The following DYTN variants were observed in gnomAD, a reference collection of about 807,000 sequenced individuals.
The protein encoded by DYTN is dystrotelin.
A neutral mutation model predicts 69.6 loss-of-function variants in DYTN; 75 were observed. That is an observed-to-expected ratio of 1.08 (90% CI 0.89 to 1.31). The LOEUF (loss-of-function observed/expected upper bound fraction) is 1.31. DYTN is among the 50% of genes most tolerant of loss of function. DYTN has a pLI of 0.00. For missense variants in DYTN, 726 were observed against 688.4 expected, an observed-to-expected ratio of 1.05 and a Z score of -0.61; for synonymous variants, 252 against 249.1, an observed-to-expected ratio of 1.01 and a Z score of -0.11.
At chr2:206,682,401 T>C (rs544240353) in intron 9 of DYTN, among the ~76,000 whole-genome samples, 1 of 151,646 alleles carries the variant, frequency 6.6e-6, no homozygotes, top group Middle Eastern at 3.4e-3. Context: ...CATTTGACAG[T>C]AGAACACCAT....
At position 206,717,770 on chromosome 2, in the gene DYTN, G is replaced by T. The variant is rs527694658; in HGVS notation, c.19+491C>A. Among the ~76,000 whole-genome samples the T allele has an allele frequency of 2.0e-5, 3 of 152,206 alleles. No individual in the cohort carries two copies. The South Asian group carries it at 6.2e-4, about 32-fold the overall frequency. On this transcript the variant is annotated intron_variant, in intron 1 of 11. Coordinates refer to ENST00000452335, the MANE Select transcript of DYTN (RefSeq NM_001093730.1). ...ATAGAAATCCCACAGATCAGTTCTG[G>T]GCCTAACTTGGCATTCAGCGATGTT...
chr2:206,651,782 C>T lies in DYTN; in HGVS notation c.*36G>A, dbSNP rs1350255869. ...ATACAGTTGTGCAACTGCATTTTGT[C>T]ATCACACCAAGAGGCCTTTGAGCCT... On this transcript the variant is annotated 3_prime_UTR_variant, in exon 12 of 12. Coordinates refer to ENST00000452335, the MANE Select transcript of DYTN (RefSeq NM_001093730.1). The T allele has an allele frequency of 6.3e-7, 1 of 1,577,210 alleles. No homozygotes were observed. Among genetic ancestry groups the T allele is most frequent in the East Asian group, 2.2e-5 (1 of 44,636 alleles).
At position 206,663,251 on chromosome 2, in the gene DYTN, G is replaced by T; in HGVS notation, c.1285C>A (p.Pro429Thr). Residue 429 changes from proline to threonine, a missense_variant, in exon 11 of 12, where the codon CCT (proline) becomes ACT (threonine). Physicochemically the swap from Pro to Thr is conservative, Grantham distance 38. Coordinates refer to ENST00000452335, the MANE Select transcript of DYTN (RefSeq NM_001093730.1). ...TCAACCTCATCAAGCTTAGGAAGAG[G>T]TTCCCCTGTTGAAGCATCTTCAGTG... ...NATEDASTGE[P>T]LPKLDEVDRS... 3 of 1,613,922 alleles carry T rather than the reference G, an allele frequency of 1.9e-6. No homozygotes were observed. Among genetic ancestry groups the T allele is most frequent in the Non-Finnish European group, 2.5e-6 (3 of 1,179,870 alleles).
intron 9 of DYTN, 66 bp from the exon 10 acceptor site, chr2:206,666,095 G>A: frequency 6.4e-7 from 1 of 1,561,054 alleles, no homozygotes; most frequent in Admixed American, 1.8e-5. Flanking sequence ...TAGAGCCCTG[G>A]TAAGATGTAT....
At chr2:206,705,037 G>T in intron 4 of DYTN, 94 bp from the exon 5 acceptor site, 1 of 1,008,520 alleles carries the variant, frequency 9.9e-7, no homozygotes, top group Non-Finnish European at 1.5e-6. Context: ...TTGTGGCTAT[G>T]AAAGGAAAGA....
intron 9 of DYTN, among the ~76,000 whole-genome samples, chr2:206,689,875 T>G (rs1699847080): frequency 6.6e-6 from 1 of 152,240 alleles, no homozygotes; most frequent in African/African-American, 2.4e-5. Flanking sequence ...TATTCATTCA[T>G]TCATTCAGTC....
rs552506191 is a variant in DYTN, at chr2:206,660,191, T to C, written c.1633+2712A>G. 5.9e-5 allele frequency among the ~76,000 whole-genome samples: 9 copies of C among 152,358 alleles called. No individual in the cohort carries two copies. The South Asian group carries it at 1.9e-3, about 32-fold the overall frequency. ...CTACAAGATTTGATAATGCTAATTG[T>C]ATATTTATACATTATTGCATCAACT... On this transcript the variant is annotated intron_variant, in intron 11 of 11. Transcript: ENST00000452335.
intron 2 of DYTN, among the ~76,000 whole-genome samples, chr2:206,707,994 A>G (rs1297833039): frequency 6.6e-6 from 1 of 152,238 alleles, no homozygotes; most frequent in African/African-American, 2.4e-5. Context: ...AGTTAAATAC[A>G]AAACAGTGAT....
intron 11 of DYTN, among the ~76,000 whole-genome samples, chr2:206,657,776 G>A (rs7588098): frequency 0.3 from 45,765 of 151,604 alleles, 7,979 homozygotes; most frequent in African/African-American, 0.48. Context: ...TTCTCTTGCT[G>A]CTTTCAAAAT....
rs760389043 is a variant in DYTN, at chr2:206,718,306, G to A, written c.-27C>T. 2 of 1,600,048 alleles carry A rather than the reference G, an allele frequency of 1.2e-6. No individual in the cohort carries two copies. Among genetic ancestry groups the A allele is most frequent in the Admixed American group, 1.7e-5 (1 of 58,230 alleles). On this transcript the variant is annotated 5_prime_UTR_variant, in exon 1 of 12. Coordinates refer to ENST00000452335, the MANE Select transcript of DYTN (RefSeq NM_001093730.1). ...TCACAAATTTCCTGGAATGACAGAT[G>A]GCAAGTGGGTCCCTGTAACTAGAAA...
chr2:206,663,157 A>C lies in DYTN; in HGVS notation c.1379T>G (p.Leu460Trp), dbSNP rs1448451165. 2 of 1,613,904 alleles carry C rather than the reference A, an allele frequency of 1.2e-6. No individual in the cohort carries two copies. The highest frequency in any genetic ancestry group is 1.7e-6 in the Non-Finnish European group (2 of 1,179,882). Residue 460 changes from leucine to tryptophan, a missense_variant, in exon 11 of 12, where the codon TTG (leucine) becomes TGG (tryptophan). Coordinates refer to ENST00000452335, the MANE Select transcript of DYTN (RefSeq NM_001093730.1). ...LRNPESPETT[L>W]HSTRAQSQTQ... is the part of the protein sequence containing the mutation. ...TTGGCTTTGTGCCCTGGTGCTGTGC[A>C]AAGTGGTCTCTGGTGATTCTGGATT...
chr2:206,660,278 A>C (rs964303630), intron 11 of DYTN, among the ~76,000 whole-genome samples: 1 of 152,216 alleles, frequency 6.6e-6, no homozygotes, highest in African/African-American at 2.4e-5. Flanking sequence ...TGATGCATGT[A>C]TATTTATATC....
At chr2:206,667,095 CAA>C (rs1699581698) in intron 9 of DYTN, among the ~76,000 whole-genome samples, 1 of 152,122 alleles carries the variant, frequency 6.6e-6, no homozygotes, top group East Asian at 1.9e-4. Flanking sequence ...TTCTTTAAAA[CAA>C]AAGTCAAGCT....
intron 7 of DYTN, among the ~76,000 whole-genome samples, chr2:206,695,465 A>G (rs1387679710): frequency 1.3e-5 from 2 of 152,228 alleles, no homozygotes; most frequent in Non-Finnish European, 2.9e-5. Flanking sequence ...GGAATTCCTC[A>G]CCACAGCCAA....
At chr2:206,708,338 C>T (rs777849302) in intron 2 of DYTN, among the ~76,000 whole-genome samples, 9 of 152,134 alleles carry the variant, frequency 5.9e-5, no homozygotes, top group African/African-American at 1.7e-4. Context: ...ATATCAAGAG[C>T]GCCAAGAGCT....
At chr2:206,666,896 C>CACACAA (rs1553572121) in intron 9 of DYTN, among the ~76,000 whole-genome samples, 2 of 143,298 alleles carry the variant, frequency 1.4e-5, no homozygotes, top group Admixed American at 7.0e-5. Context: ...CACACACACA[C>CACACAA]AAATTAGCTG....
chr2:206,655,904 A>G (rs900501470), intron 11 of DYTN, among the ~76,000 whole-genome samples: 8 of 152,198 alleles, frequency 5.3e-5, no homozygotes, highest in Non-Finnish European at 7.3e-5. Flanking sequence ...GTGCATTAAC[A>G]TATGATCTAT....
At chr2:206,714,763 G>A (rs1020814156) in intron 1 of DYTN, among the ~76,000 whole-genome samples, 5 of 152,132 alleles carry the variant, frequency 3.3e-5, no homozygotes, top group Admixed American at 2.0e-4. Flanking sequence ...GTCCAGTCTT[G>A]ACATGGAGTC....
chr2:206,657,673 G>A (rs193152130), intron 11 of DYTN, among the ~76,000 whole-genome samples: 178 of 152,138 alleles, frequency 1.2e-3, no homozygotes, highest in Non-Finnish European at 2.2e-3. Context: ...TCTTCTTTCA[G>A]CACTTTGAAT....
Sources: allele counts gnomAD v4.1 joint callset (sites outside exome capture counted in the v4.1 genomes callset), GRCh38; gene constraint gnomAD v4.1.1; transcripts MANE v1.5; gene names NCBI Gene and HGNC (gene_info 2026-07-23, HGNC 2026-07-21).